Variants in RSPH14 observed in about 807,000 individuals in gnomAD.
RSPH14 encodes the protein rhabdoid tumor deletion region gene 1.
RSPH14 carries 20 observed loss-of-function variants against 26.7 expected under a neutral mutation model. The ratio of observed to expected loss-of-function variants is 0.75; its 90% CI spans 0.53 to 1.09. The LOEUF (loss-of-function observed/expected upper bound fraction) is 1.09. Ranked by LOEUF, RSPH14 falls within the 50% of genes least tolerant of loss-of-function variation. The probability of loss-of-function intolerance (pLI) is 0.00; values close to 1 mark genes in which losing one functional copy is unlikely to be tolerated. For missense variants in RSPH14, 449 were observed against 457.2 expected (o/e 0.98, Z 0.16); for synonymous variants, 177 against 189.3 (o/e 0.93, Z 0.53).
chr22:23,147,175 A>G (rs5759602), upstream of RSPH14, among the ~76,000 whole-genome samples: 96,895 of 151,976 alleles, frequency 0.64, 31,358 homozygotes, highest in East Asian at 0.96. Flanking sequence ...TTCCGCCTCT[A>G]TGAGCTTGAA....
chr22:23,078,767 TGTATGTGGG>T (rs2068582837), intron 4 of RSPH14, among the ~76,000 whole-genome samples: 1 of 151,978 alleles, frequency 6.6e-6, no homozygotes, highest in Non-Finnish European at 1.5e-5. Context: ...GGCCATGCAA[TGTATGTGGG>T]GTGGGAGCAC....
At chr22:23,179,973 G>T in the RSPH14 span, 1 of 320,046 alleles carries the variant, frequency 3.1e-6, no homozygotes, top group Non-Finnish European at 5.8e-6. Context: ...GCCTGGTCTT[G>T]CAGATGCCCA....
intron 4 of RSPH14, among the ~76,000 whole-genome samples, chr22:23,085,097 T>C (rs2068782488): frequency 6.6e-6 from 1 of 152,146 alleles, no homozygotes. Context: ...CCACCTCAGA[T>C]AGGTGGACAT....
At chr22:23,180,407 GC>G in the RSPH14 span, 10 of 164,568 alleles carry the variant, frequency 6.1e-5, no homozygotes, top group South Asian at 1.9e-4. Context: ...CCTCCAGGGG[GC>G]CCCCCCGCCC....
intron 4 of RSPH14, chr22:23,132,772 G>A (rs1459652436): frequency 6.6e-6 from 1 of 152,082 alleles, no homozygotes; most frequent in African/African-American, 2.4e-5. Context: ...GAGTGCAGTG[G>A]TTATTCATAG....
the RSPH14 span, among the ~76,000 whole-genome samples, chr22:23,158,654 G>C: frequency 7.2e-5 from 11 of 152,340 alleles, no homozygotes; most frequent in South Asian, 2.1e-3. Context: ...AGAGGCCAGA[G>C]GTGGGGCCAG....
chr22:23,059,514 G>C lies in RSPH14; in HGVS notation c.995C>G (p.Ala332Gly). Reference sequence around the variant, plus strand: ...GGCGATCCGGGCTGCCCGCTGTAAGGCTTCGGCCACTTGAGGCTTTTCGTA... The same window carrying C: ...GGCGATCCGGGCTGCCCGCTGTAAGCCTTCGGCCACTTGAGGCTTTTCGTA... ...ETYEKPQVAEALQRAARIAIS... is the reference protein window; with the variant it reads ...ETYEKPQVAEGLQRAARIAIS... The change falls in exon 7 of 7, where the codon GCC becomes GGC. Residue 332 changes from alanine (A) to glycine (G), a missense_variant. Coordinates refer to ENST00000216036, the MANE Select transcript of RSPH14 (RefSeq NM_014433.3). 1 of 1,614,140 alleles carries C rather than the reference G, an allele frequency of 6.2e-7. No homozygotes were observed. Among genetic ancestry groups the C allele is most frequent in the Non-Finnish European group, 8.5e-7 (1 of 1,179,972 alleles).
the RSPH14 span, chr22:23,153,583 A>G: frequency 1.0e-6 from 1 of 983,830 alleles, no homozygotes; most frequent in South Asian, 4.7e-5. Flanking sequence ...GAGGGCTGAG[A>G]TGGAGTACAC....
chr22:23,113,894 G>A (rs760878702), intron 4 of RSPH14, among the ~76,000 whole-genome samples: 17 of 152,216 alleles, frequency 1.1e-4, no homozygotes, highest in Non-Finnish European at 2.2e-4. Flanking sequence ...ACCCGCTACC[G>A]ATGGAGGCAT....
intron 4 of RSPH14, among the ~76,000 whole-genome samples, chr22:23,084,288 A>G (rs2068758251): frequency 1.3e-5 from 2 of 152,188 alleles, no homozygotes; most frequent in East Asian, 1.9e-4. Flanking sequence ...TACTCATACA[A>G]CCATTCATTC....
intron 4 of RSPH14, chr22:23,096,562 G>A: frequency 1.2e-6 from 1 of 844,494 alleles, no homozygotes; most frequent in Non-Finnish European, 1.9e-6. Context: ...AACTGAGGCA[G>A]CTCCAGCAAG....
chr22:23,138,027 T>C (rs967495303), intron 3 of RSPH14, among the ~76,000 whole-genome samples: 8 of 152,146 alleles, frequency 5.3e-5, no homozygotes, highest in African/African-American at 1.9e-4. Context: ...AAGCTGTGCT[T>C]ACACAGGAAA....
intron 4 of RSPH14, among the ~76,000 whole-genome samples, chr22:23,121,164 T>C (rs920389337): frequency 2.0e-5 from 3 of 152,226 alleles, no homozygotes; most frequent in African/African-American, 7.2e-5. Flanking sequence ...TGCTTGTCTC[T>C]GCAGAAAGGC....
At chr22:23,131,717 G>C in intron 4 of RSPH14, 1 of 1,046,234 alleles carries the variant, frequency 9.6e-7, no homozygotes, top group Non-Finnish European at 1.3e-6. Flanking sequence ...GCTCAACCCA[G>C]CACTGGTCCC....
chr22:23,128,776 G>T (rs969237816), intron 4 of RSPH14, among the ~76,000 whole-genome samples: 1 of 152,214 alleles, frequency 6.6e-6, no homozygotes, highest in African/African-American at 2.4e-5. Context: ...TGAGCAAGCA[G>T]GTAAGTGAAC....
chr22:23,175,429 C>T, the RSPH14 span, among the ~76,000 whole-genome samples: 3 of 152,142 alleles, frequency 2.0e-5, no homozygotes, highest in East Asian at 1.9e-4. Context: ...CTGCAACCTC[C>T]GCCTACTGGA....
At chr22:23,179,190 G>C in the RSPH14 span, among the ~76,000 whole-genome samples, 41 of 152,176 alleles carry the variant, frequency 2.7e-4, no homozygotes, top group Admixed American at 9.2e-4. Flanking sequence ...ATTGGGAGGA[G>C]GGCATGATAA....
At position 23,082,119 on chromosome 22, in the gene RSPH14, C is replaced by T. The variant is rs571693911; in HGVS notation, c.422-17986G>A. Among the ~76,000 whole-genome samples, 7 of 131,240 alleles carry T rather than the reference C, an allele frequency of 5.3e-5. No individual in the cohort carries two copies. In the East Asian group the frequency reaches 6.5e-4, roughly 12 times the overall value. The allele number at this position is 131,240 out of a possible 152,430, so 86.1% of individuals were successfully genotyped here. A position where few individuals can be genotyped will look rare whatever the true frequency, so the allele number is the denominator to read the frequency against. ...CAGCCTGGGCGACAGAGCAAGACTCCGCCTCAAAAAAAAAACAAAAAAAAA... is the reference window on the plus strand; with the variant it reads ...CAGCCTGGGCGACAGAGCAAGACTCTGCCTCAAAAAAAAAACAAAAAAAAA... On this transcript the variant is annotated intron_variant, in intron 4 of 6. Transcript: ENST00000216036.
intron 4 of RSPH14, among the ~76,000 whole-genome samples, chr22:23,077,255 G>A (rs2146258694): frequency 6.6e-6 from 1 of 152,274 alleles, no homozygotes; most frequent in South Asian, 2.1e-4. Context: ...TTATTGGGAA[G>A]GACTGGCCTC....
Sources: allele counts gnomAD v4.1 joint callset (sites outside exome capture counted in the v4.1 genomes callset), GRCh38; gene constraint gnomAD v4.1.1; transcripts MANE v1.5; gene names NCBI Gene and HGNC (gene_info 2026-07-23, HGNC 2026-07-21).